The following TPCN2 variants were observed in gnomAD, a reference collection of about 807,000 sequenced individuals.
The protein encoded by TPCN2 is two pore channel protein 2.
A neutral mutation model predicts 111.4 loss-of-function variants in TPCN2; 92 were observed. That is an observed-to-expected ratio of 0.83 (90% CI 0.70 to 0.98). The LOEUF is 0.98. Among genes scored for constraint, TPCN2 ranks in the 50% least tolerant of loss-of-function variants. The pLI, the probability that TPCN2 is intolerant of heterozygous loss-of-function variation, is 0.00. For synonymous variants in TPCN2, 405 were observed against 414.5 expected (o/e 0.98, Z 0.28); for missense variants, 995 against 980.1 (o/e 1.02, Z -0.20).
In TPCN2 at chr11:69,077,238, C is replaced by T. The variant is rs1414276965; in HGVS notation, c.1231-1244C>T. ...CTGCCCTCCTGCCATGTCCCTCCAC[C>T]TGCCCTCCTGCCACGTCCCTCCACC... On this transcript the variant is annotated intron_variant, in intron 13 of 24. Transcript: ENST00000294309. 2.0e-4 allele frequency among the ~76,000 whole-genome samples: 19 copies of T among 93,668 alleles called. 1 individual carries two copies. Among genetic ancestry groups the T allele is most frequent in the East Asian group, 3.9e-4 (1 of 2,590 alleles). The allele number at this position is 93,668 out of a possible 152,430, so 61.4% of individuals were successfully genotyped here.
rs140279990 is a variant in TPCN2, at chr11:69,054,797, G to T, written c.251G>T (p.Arg84Leu). ...YRRYYSNVCQ[R>L]TLSFTIFLIL... ...CGGTATTACTCGAACGTATGCCAAC[G>T]GTGAGAACGCACCCATGTGGAACTC... The change falls in exon 3 of 25, where the codon CGG (arginine) becomes CTG (leucine). Residue 84 changes from arginine to leucine, a missense_variant and splice_region_variant. Physicochemically the swap from Arg to Leu is moderately radical, Grantham distance 102. Transcript: ENST00000294309. 6.2e-7 allele frequency: 1 copy of T among 1,613,886 alleles called. No homozygotes were observed. Among genetic ancestry groups the T allele is most frequent in the Non-Finnish European group, 8.5e-7 (1 of 1,179,882 alleles).
In TPCN2 at chr11:69,062,997, T is replaced by A; in HGVS notation, c.653+7T>A. Reference sequence around the variant, plus strand: ...CGCTGCCGGAAATGGCCAGGTGGGCTCTTGGTGCTCTGGGCTCGCAGGGTT... The same window carrying A: ...CGCTGCCGGAAATGGCCAGGTGGGCACTTGGTGCTCTGGGCTCGCAGGGTT... On this transcript the variant is annotated splice_region_variant and intron_variant, in intron 6 of 24. Transcript: ENST00000294309. The A allele has an allele frequency of 1.9e-6, 3 of 1,613,016 alleles. No individual in the cohort carries two copies. The highest frequency in any genetic ancestry group is 2.5e-6 in the Non-Finnish European group (3 of 1,179,116).
rs1856397224 is a variant in TPCN2 at position 69,090,424 on chromosome 11, C to T, written c.*2471C>T. The T allele has an allele frequency of 6.6e-6, 1 of 152,172 alleles. No individual in the cohort carries two copies. The highest frequency in any genetic ancestry group is 2.1e-4 in the South Asian group (1 of 4,816). 9.4% of individuals were successfully genotyped at this position (152,172 alleles called of 1,614,324 possible). On this transcript the variant is annotated 3_prime_UTR_variant, in exon 25 of 25. Transcript: ENST00000294309. Reference sequence around the variant, plus strand: ...GCTCATCCGACTGGGGCTTTGACTCCCACACTGTGTACCCCTCTTGTGTGG... The same window carrying T: ...GCTCATCCGACTGGGGCTTTGACTCTCACACTGTGTACCCCTCTTGTGTGG...
chr11:69,074,024 C>A (rs1303068137), intron 13 of TPCN2, among the ~76,000 whole-genome samples: 1 of 152,192 alleles, frequency 6.6e-6, no homozygotes, highest in Non-Finnish European at 1.5e-5. Context: ...TTAAAAGGCC[C>A]TGTCTCCAAA....
intron 11 of TPCN2, among the ~76,000 whole-genome samples, chr11:69,072,281 C>T (rs957571427): frequency 1.3e-5 from 2 of 152,210 alleles, no homozygotes; most frequent in Admixed American, 6.5e-5. Flanking sequence ...TTCTTGTCCC[C>T]CTTTGTGCTC....
chr11:69,076,278 G>A (rs1053647980), intron 13 of TPCN2, among the ~76,000 whole-genome samples: 1 of 152,164 alleles, frequency 6.6e-6, no homozygotes, highest in South Asian at 2.1e-4. Flanking sequence ...TAAGCAGGAG[G>A]CGACCCTCCT....
chr11:69,081,883 AG>A (rs1252488141), intron 18 of TPCN2, among the ~76,000 whole-genome samples: 1 of 152,148 alleles, frequency 6.6e-6, no homozygotes, highest in Admixed American at 6.5e-5. Context: ...ATCCCTGGCC[AG>A]GGAGCTTGTT....
At chr11:69,077,468 C>T (rs77605225) in intron 13 of TPCN2, among the ~76,000 whole-genome samples, 1 of 152,138 alleles carries the variant, frequency 6.6e-6, no homozygotes, top group South Asian at 2.1e-4. Context: ...GGACCCTGCC[C>T]GTTGTGGCAG....
intron 19 of TPCN2, 86 bp from the exon 20 acceptor site, chr11:69,085,124 T>C: frequency 1.6e-6 from 2 of 1,278,922 alleles, no homozygotes; most frequent in Non-Finnish European, 2.3e-6. Flanking sequence ...ACAGTCATCC[T>C]CTGGCTTTGC....
At chr11:69,053,931 T>G in intron 1 of TPCN2, 102 bp from the exon 2 acceptor site, 3 of 1,036,654 alleles carry the variant, frequency 2.9e-6, no homozygotes, top group Non-Finnish European at 2.9e-6. Flanking sequence ...CAAACGGCCT[T>G]GGGAAGAACC....
intron 13 of TPCN2, among the ~76,000 whole-genome samples, chr11:69,074,153 T>C (rs1855653856): frequency 6.6e-6 from 1 of 152,246 alleles, no homozygotes; most frequent in Non-Finnish European, 1.5e-5. Flanking sequence ...CCCCTGTGGC[T>C]GCAGGACCCT....
intron 7 of TPCN2, among the ~76,000 whole-genome samples, chr11:69,067,225 C>T (rs1855312029): frequency 6.6e-6 from 1 of 152,228 alleles, no homozygotes; most frequent in Admixed American, 6.5e-5. Flanking sequence ...TGAGGGAGGT[C>T]ACTAGGCTGG....
Position 69,079,001 on chromosome 11 carries a change from T to C in TPCN2, c.1520T>C (p.Leu507Pro). The change falls in exon 16 of 25, where the codon CTC becomes CCC. Residue 507 changes from leucine to proline, a missense_variant. Physicochemically the swap from Leu to Pro is moderately conservative, Grantham distance 98. Coordinates refer to ENST00000294309, the MANE Select transcript of TPCN2 (RefSeq NM_139075.4). ...LSYPSNVFDG[L>P]LTVVLLVLEI... ...TACCCCAGCAACGTGTTTGACGGGC[T>C]CCTCACCGTTGTCCTGCTGGTAAAG... 2.5e-6 allele frequency: 4 copies of C among 1,612,694 alleles called. No homozygotes were observed. The highest frequency in any genetic ancestry group is 3.4e-6 in the Non-Finnish European group (4 of 1,179,368).
chr11:69,055,338 G>GACCT lies in TPCN2; in HGVS notation c.416_419dup (p.Ser141ProfsTer43). The stretch of plus-strand genomic sequence containing the variant: ...GCTCTGCCTGCTGGTCTTTGCGGCC[G>GACCT]ACCTCTCTGTGAAGGTGAGGCGGGC... On this transcript the variant is annotated frameshift_variant, in exon 4 of 25. Transcript: ENST00000294309. LOFTEE classifies it high-confidence loss of function. 1 of 1,609,892 alleles carries GACCT rather than the reference G, an allele frequency of 6.2e-7. No homozygotes were observed.
chr11:69,067,476 C>T (rs1171425533), intron 7 of TPCN2, 27 bp from the exon 8 acceptor site: 2 of 1,600,410 alleles, frequency 1.2e-6, no homozygotes, highest in Non-Finnish European at 1.7e-6. Flanking sequence ...CCCAGTGGTG[C>T]CCTGGAGCTG....
rs776326292 is a variant in TPCN2, at chr11:69,070,432, A to T, written c.832A>T (p.Met278Leu). The T allele has an allele frequency of 6.2e-6, 10 of 1,611,438 alleles. No individual in the cohort carries two copies. In the East Asian group the frequency reaches 2.2e-4, roughly 36 times the overall value. Residue 278 changes from methionine (M) to leucine (L), a missense_variant and splice_region_variant, in exon 9 of 25, where the codon ATG (methionine) becomes TTG (leucine). Transcript: ENST00000294309. Reference sequence around the variant, plus strand: ...CTGTTATTTCTTTTTTCTTTTAGTGATGATTCCTGCGTATTCCAAGAACCG... The same window carrying T: ...CTGTTATTTCTTTTTTCTTTTAGTGTTGATTCCTGCGTATTCCAAGAACCG... Reference protein sequence around the residue: ...LLTTANNPDVMIPAYSKNRAY... With the variant: ...LLTTANNPDVLIPAYSKNRAY...
chr11:69,087,908 C>A lies in TPCN2; in HGVS notation c.2214C>A (p.Leu738=). The A allele has an allele frequency of 2.5e-6, 4 of 1,612,504 alleles. No individual in the cohort carries two copies. The highest frequency in any genetic ancestry group is 3.4e-6 in the Non-Finnish European group (4 of 1,179,898). ...TGGAGGAGCCCGGGGAGGATGAGCT[C>A]ACAGAGAGGCTGAGCCAGCACCCGC... ...DILEEPGEDE[L]TERLSQHPHL... is the part of the protein sequence containing the mutation. The change falls in exon 25 of 25, where the codon CTC becomes CTA. Residue 738 remains leucine (L), a synonymous_variant. Transcript: ENST00000294309.
chr11:69,086,406 A>C (rs1389425660), intron 22 of TPCN2, 117 bp from the exon 23 acceptor site: 8 of 831,196 alleles, frequency 9.6e-6, no homozygotes, highest in Non-Finnish European at 1.7e-5. Context: ...GCTCTGCATC[A>C]TGGTGTGTGT....
chr11:69,060,910 G>A (rs752310647), intron 5 of TPCN2, among the ~76,000 whole-genome samples: 2 of 152,268 alleles, frequency 1.3e-5, no homozygotes, highest in Non-Finnish European at 2.9e-5. Context: ...GCCCTGAGCA[G>A]TTCTCTGTTC....
Sources: gnomAD v4.1 joint callset for allele counts (sites outside exome capture counted in the v4.1 genomes callset) on GRCh38, gnomAD v4.1.1 for gene constraint, MANE v1.5 for transcripts, NCBI Gene and HGNC (gene_info 2026-07-23, HGNC 2026-07-21) for gene names.